RPL11: variants seen among roughly 807,000 people sequenced by gnomAD.
RPL11 encodes ribosomal protein L11.
Under a neutral mutation model 24.1 loss-of-function variants are expected in RPL11, and 3 were observed. That is an observed-to-expected ratio of 0.12 (90% confidence interval 0.06 to 0.32). The LOEUF (loss-of-function observed/expected upper bound fraction) is 0.32, where lower values mean the gene tolerates loss of function less well. RPL11 is among the 10% of genes least tolerant of loss of function. The pLI, the probability that RPL11 is intolerant of heterozygous loss-of-function variation, is 1.00. For missense variants in RPL11, 146 were observed against 225.7 expected, an observed-to-expected ratio of 0.65 and a Z score of 2.26; for synonymous variants, 96 against 75.7, an observed-to-expected ratio of 1.27 and a Z score of -1.39.
At chr1:23,692,177 C>G (rs1032164763) in intron 1 of RPL11, 1 of 479,872 alleles carries the variant, frequency 2.1e-6, no homozygotes, top group South Asian at 2.3e-5. Context: ...AAACCTTAGT[C>G]GGTTGCTCCG....
chr1:23,692,983 C>T (rs1290011603), intron 2 of RPL11, among the ~76,000 whole-genome samples: 1 of 151,608 alleles, frequency 6.6e-6, no homozygotes, highest in Admixed American at 6.6e-5. Flanking sequence ...TAAGACTAGC[C>T]CAAGTAAAGA....
chr1:23,695,161 G>A, intron 4 of RPL11: 1 of 360,268 alleles, frequency 2.8e-6, no homozygotes, highest in Admixed American at 3.8e-5. Flanking sequence ...TCTCCCCCTG[G>A]TTCTTCCTAT....
At position 23,695,792 on chromosome 1, in the gene RPL11, G is replaced by T. The variant is rs2124432048; in HGVS notation, c.397-6G>T. 3 of 1,579,768 alleles carry T rather than the reference G, an allele frequency of 1.9e-6. No homozygotes were observed. In the East Asian group the frequency reaches 6.8e-5, roughly 36 times the overall value. On this transcript the variant is annotated splice_polypyrimidine_tract_variant and splice_region_variant and intron_variant, in intron 4 of 5. Transcript: ENST00000643754. Reference sequence around the variant, plus strand: ...GCTAGGTGACTGTTGGTTATTCCTGGGACAGGTGCTGGGTAGGCCAGGTTT... The same window carrying T: ...GCTAGGTGACTGTTGGTTATTCCTGTGACAGGTGCTGGGTAGGCCAGGTTT...
chr1:23,693,109 G>C (rs1644511745), intron 2 of RPL11, among the ~76,000 whole-genome samples: 1 of 152,122 alleles, frequency 6.6e-6, no homozygotes. Context: ...AGGGCTGTAC[G>C]GGAGCATGAG....
intron 1 of RPL11, 131 bp downstream of exon 1, chr1:23,691,960 AGAGCCGTTC>A: frequency 8.1e-7 from 1 of 1,228,684 alleles, no homozygotes; most frequent in Admixed American, 1.7e-5. Context: ...CAAAACTAGC[AGAGCCGTTC>A]GAGCCAAGGA....
chr1:23,694,701 T>A lies in RPL11; in HGVS notation c.306T>A (p.Thr102=). The A allele has an allele frequency of 1.2e-6, 2 of 1,614,182 alleles. No individual in the cohort carries two copies. Among genetic ancestry groups the A allele is most frequent in the Non-Finnish European group, 1.7e-6 (2 of 1,180,016 alleles). Residue 102 remains threonine (T), a synonymous_variant, in exon 4 of 6, where the codon ACT becomes ACA. Coordinates refer to ENST00000643754, the MANE Select transcript of RPL11 (RefSeq NM_000975.5). ...TAAGAAAAAACAACTTCTCAGATAC[T>A]GGAAACTTTGGTTTTGGGATCCAGG... ...YELRKNNFSD[T]GNFGFGIQEH... is the part of the protein sequence containing the mutation.
chr1:23,696,139 C>G (rs989049618), intron 5 of RPL11, among the ~76,000 whole-genome samples: 2 of 152,120 alleles, frequency 1.3e-5, no homozygotes, highest in African/African-American at 4.8e-5. Flanking sequence ...AGGAATATGG[C>G]TTTTAACAGG....
intron 3 of RPL11, among the ~76,000 whole-genome samples, 179 bp from the exon 4 acceptor site, chr1:23,694,481 T>A (rs1437071382): frequency 6.6e-6 from 1 of 151,934 alleles, no homozygotes; most frequent in East Asian, 1.9e-4. Flanking sequence ...TACTGGGTAG[T>A]TGGGGTGTGA....
intron 1 of RPL11, chr1:23,692,279 C>T (rs944309523): frequency 4.7e-6 from 2 of 423,374 alleles, no homozygotes; most frequent in Non-Finnish European, 8.7e-6. Context: ...CAATTAAGTT[C>T]TGTTTCTTCG....
At chr1:23,694,174 G>A (rs975917108) in intron 3 of RPL11, among the ~76,000 whole-genome samples, 3 of 151,980 alleles carry the variant, frequency 2.0e-5, no homozygotes, top group Admixed American at 6.5e-5. Context: ...CCAGGAGTTC[G>A]AGACCATCCT....
intron 2 of RPL11, among the ~76,000 whole-genome samples, chr1:23,693,528 T>TG (rs1411920983): frequency 3.9e-5 from 6 of 152,356 alleles, no homozygotes; most frequent in Non-Finnish European, 8.8e-5. Flanking sequence ...AGTGGCTTCT[T>TG]CGGCCTATTC....
intron 2 of RPL11, among the ~76,000 whole-genome samples, chr1:23,693,279 A>G (rs1173595311): frequency 6.6e-6 from 1 of 152,182 alleles, no homozygotes; most frequent in Non-Finnish European, 1.5e-5. Flanking sequence ...AAAGAGGGTA[A>G]TACTTTATAA....
intron 2 of RPL11, among the ~76,000 whole-genome samples, chr1:23,693,557 TC>T (rs1644514923): frequency 6.6e-6 from 1 of 152,222 alleles, no homozygotes; most frequent in South Asian, 2.1e-4. Flanking sequence ...ACCTTGCCCT[TC>T]CTGGAACTTC....
In RPL11 at chr1:23,692,692, A is replaced by G; in HGVS notation, c.90A>G (p.Gly30=). 6.2e-7 allele frequency: 1 copy of G among 1,614,100 alleles called. No homozygotes were observed. The highest frequency in any genetic ancestry group is 8.5e-7 in the Non-Finnish European group (1 of 1,180,008). Residue 30 remains glycine, a synonymous_variant, in exon 2 of 6, where the codon GGA becomes GGG. Coordinates refer to ENST00000643754, the MANE Select transcript of RPL11 (RefSeq NM_000975.5). Reference sequence around the variant, plus strand: ...TCAACATCTGTGTTGGGGAGAGTGGAGACAGACTGACGCGAGCAGCCAAGG... The same window carrying G: ...TCAACATCTGTGTTGGGGAGAGTGGGGACAGACTGACGCGAGCAGCCAAGG... ...LCLNICVGES[G]DRLTRAAKVL... is the part of the protein sequence containing the mutation.
intron 2 of RPL11, 132 bp downstream of exon 2, chr1:23,692,891 A>C: frequency 9.2e-7 from 1 of 1,083,934 alleles, no homozygotes; most frequent in Non-Finnish European, 1.3e-6. Flanking sequence ...TGAGCCGGCC[A>C]AGAGGTGTCT....
intron 1 of RPL11, 137 bp from the exon 2 acceptor site, chr1:23,692,472 C>G (rs1163464925): frequency 8.9e-7 from 1 of 1,128,280 alleles, no homozygotes; most frequent in Non-Finnish European, 1.3e-6. Flanking sequence ...GTCCCCTAAA[C>G]ATTATACCTT....
chr1:23,696,409 T>G lies in RPL11; in HGVS notation c.*36T>G, dbSNP rs1644533040. On this transcript the variant is annotated 3_prime_UTR_variant, in exon 6 of 6. Transcript: ENST00000643754. ...CTATCCAAAAGAGCAATAAAAAGTTTTCAGTGAAATGTGCAATTCTGTTGT... is the reference window on the plus strand; with the variant it reads ...CTATCCAAAAGAGCAATAAAAAGTTGTCAGTGAAATGTGCAATTCTGTTGT... 1 of 1,600,436 alleles carries G rather than the reference T, an allele frequency of 6.2e-7. No individual in the cohort carries two copies. The highest frequency in any genetic ancestry group is 8.6e-7 in the Non-Finnish European group (1 of 1,167,780).
chr1:23,691,883 G>A, intron 1 of RPL11, 54 bp downstream of exon 1: 1 of 1,613,600 alleles, frequency 6.2e-7, no homozygotes, highest in Non-Finnish European at 8.5e-7. Context: ...ATCCATGGCA[G>A]GCCGAGCCTG....
chr1:23,694,528 G>A (rs1644521630), intron 3 of RPL11, 132 bp from the exon 4 acceptor site: 1 of 1,244,094 alleles, frequency 8.0e-7, no homozygotes, highest in Non-Finnish European at 1.2e-6. Context: ...GTCAGGTTGT[G>A]TTCTCAGCCA....
Sources: allele counts gnomAD v4.1 joint callset (sites outside exome capture counted in the v4.1 genomes callset), GRCh38; gene constraint gnomAD v4.1.1; transcripts MANE v1.5; gene names NCBI Gene and HGNC (gene_info 2026-07-23, HGNC 2026-07-21).